The following IGSF21 variants were observed in gnomAD, a reference collection of about 807,000 sequenced individuals.
IGSF21 encodes the protein immunoglobulin superfamily member 21.
In IGSF21, 28 loss-of-function variants were observed where a neutral mutation model predicts 46.8. The ratio of observed to expected loss-of-function variants is 0.60; its 90% CI spans 0.44 to 0.82. IGSF21 has a LOEUF of 0.82. Ranked by LOEUF, IGSF21 falls within the 40% of genes least tolerant of loss-of-function variation. The pLI, the probability that IGSF21 is intolerant of heterozygous loss-of-function variation, is 0.00. For synonymous variants in IGSF21, 284 were observed against 273.6 expected (o/e 1.04, Z -0.38); for missense variants, 624 against 665.5 (o/e 0.94, Z 0.69).
intron 3 of IGSF21, among the ~76,000 whole-genome samples, chr1:18,323,231 G>A (rs925249839): frequency 5.3e-5 from 8 of 152,160 alleles, no homozygotes; most frequent in Non-Finnish European, 1.2e-4. Context: ...CAGGTCTGGG[G>A]TGTCCCTCTA....
chr1:18,110,199 G>T (rs987368340), intron 1 of IGSF21: 7 of 152,310 alleles, frequency 4.6e-5, no homozygotes, highest in African/African-American at 7.2e-5. Flanking sequence ...AAGGAAGAGC[G>T]CAGACGCGGA....
intron 2 of IGSF21, among the ~76,000 whole-genome samples, chr1:18,287,482 C>A (rs2085226312): frequency 6.6e-6 from 1 of 152,130 alleles, no homozygotes; most frequent in Non-Finnish European, 1.5e-5. Flanking sequence ...ATTCAAGGAC[C>A]TGTGTGTTTG....
chr1:18,273,985 A>T (rs2085076547), intron 2 of IGSF21, among the ~76,000 whole-genome samples: 1 of 152,178 alleles, frequency 6.6e-6, no homozygotes, highest in Admixed American at 6.5e-5. Context: ...GTTGGGGGAA[A>T]TCACTCGGCC....
Position 18,273,454 on chromosome 1 carries a change from CTT to C in IGSF21, c.184-18410_184-18409del, listed in dbSNP as rs1323583311. On this transcript the variant is annotated intron_variant, in intron 2 of 9. Coordinates refer to ENST00000251296, the MANE Select transcript of IGSF21 (RefSeq NM_032880.5). ...CCTTTCTTTCTTTCTCACTTTCTTT[CTT>C]TCTCTCTCTTTCTTTCTTTCTTTCT... Among the ~76,000 whole-genome samples, 23 of 84,176 alleles carry C rather than the reference CTT, an allele frequency of 2.7e-4. 1 individual carries two copies. Among genetic ancestry groups the C allele is most frequent in the South Asian group, 7.2e-4 (2 of 2,770 alleles). 55.2% of individuals were successfully genotyped at this position (84,176 alleles called of 152,430 possible).
rs1467363261 is a variant in IGSF21 at position 18,359,379 on chromosome 1, A to AAAGG, written c.425-2733_425-2732insGAAG. ...GAAAGAAAGAAAGAAAGAAAGAAAG[A>AAAGG]AAGAAAGGAAGGAAGGAAGGAAGGA... is the stretch of plus-strand genomic sequence containing the variant. On this transcript the variant is annotated intron_variant, in intron 4 of 9. Coordinates refer to ENST00000251296, the MANE Select transcript of IGSF21 (RefSeq NM_032880.5). 1.7e-4 allele frequency among the ~76,000 whole-genome samples: 14 copies of AAAGG among 82,366 alleles called. No individual in the cohort carries two copies. In the South Asian group the frequency reaches 3.7e-3, roughly 22 times the overall value. The allele number at this position is 82,366 out of a possible 152,430, so 54.0% of individuals were successfully genotyped here.
chr1:18,289,516 C>T (rs2085246718), intron 2 of IGSF21, among the ~76,000 whole-genome samples: 1 of 152,242 alleles, frequency 6.6e-6, no homozygotes, highest in Non-Finnish European at 1.5e-5. Flanking sequence ...CCTCTCCAAG[C>T]CTCAGTTTCT....
chr1:18,247,819 A>G (rs1484588039), intron 2 of IGSF21, among the ~76,000 whole-genome samples: 1 of 152,160 alleles, frequency 6.6e-6, no homozygotes, highest in Non-Finnish European at 1.5e-5. Context: ...AGATGAGGAG[A>G]CAGAGACACA....
At chr1:18,356,413 T>TG (rs975515553) in intron 4 of IGSF21, among the ~76,000 whole-genome samples, 2 of 151,276 alleles carry the variant, frequency 1.3e-5, no homozygotes, top group Admixed American at 6.6e-5. Flanking sequence ...AACAGAAGAG[T>TG]GGGAGGGAGA....
At chr1:18,230,517 T>A (rs2084614388) in intron 2 of IGSF21, among the ~76,000 whole-genome samples, 1 of 152,120 alleles carries the variant, frequency 6.6e-6, no homozygotes, top group Admixed American at 6.5e-5. Context: ...GCCAAATGCC[T>A]GGGCCCTTGT....
intron 2 of IGSF21, among the ~76,000 whole-genome samples, chr1:18,249,302 C>T (rs2084814071): frequency 6.6e-6 from 1 of 152,126 alleles, no homozygotes; most frequent in Admixed American, 6.5e-5. Context: ...AGGTTGAGGG[C>T]AGCTGCAGCC....
At chr1:18,179,392 T>C (rs1020314595) in intron 1 of IGSF21, 4 of 152,188 alleles carry the variant, frequency 2.6e-5, no homozygotes, top group African/African-American at 9.7e-5. Flanking sequence ...CCATTGTGAC[T>C]TTCATGGGTC....
rs751554607 is a variant in IGSF21, at chr1:18,108,090, C to G, written c.-39C>G. On this transcript the variant is annotated 5_prime_UTR_variant, in exon 1 of 10. Transcript: ENST00000251296. ...AGGGGACCCGCCGCCACCGCCTCCA[C>G]CCCCGCCGCCCCGCCACCGCCGCCA... 1 of 1,072,986 alleles carries G rather than the reference C, an allele frequency of 9.3e-7. No individual in the cohort carries two copies. The highest frequency in any genetic ancestry group is 1.3e-6 in the Non-Finnish European group (1 of 792,638). 66.5% of individuals were successfully genotyped at this position (1,072,986 alleles called of 1,614,324 possible).
chr1:18,144,845 C>T (rs926082529), intron 1 of IGSF21, among the ~76,000 whole-genome samples: 2 of 150,210 alleles, frequency 1.3e-5, no homozygotes, highest in African/African-American at 2.5e-5. Context: ...TGTTTAACTT[C>T]TCCGTGCCTC....
intron 4 of IGSF21, among the ~76,000 whole-genome samples, chr1:18,357,268 A>G (rs906209343): frequency 1.4e-5 from 2 of 145,078 alleles, no homozygotes; most frequent in African/African-American, 5.1e-5. Context: ...TGATAAAAAC[A>G]GGGAAGGAGA....
At chr1:18,246,821 C>A (rs892082985) in intron 2 of IGSF21, among the ~76,000 whole-genome samples, 1 of 152,158 alleles carries the variant, frequency 6.6e-6, no homozygotes, top group Non-Finnish European at 1.5e-5. Flanking sequence ...CTGCCCCAGG[C>A]TCTTGGCAGA....
rs781002165 is a variant in IGSF21, at chr1:18,291,922, C to T, written c.240C>T (p.Ser80=). The change falls in exon 3 of 10, where the codon TCC becomes TCT. Residue 80 remains serine (S), a synonymous_variant. Transcript: ENST00000251296. Reference sequence around the variant, plus strand: ...TCTTCACCTTCGACGCCATGTTCTCCACCAACTACTCACACATGGAGAACT... The same window carrying T: ...TCTTCACCTTCGACGCCATGTTCTCTACCAACTACTCACACATGGAGAACT... The part of the protein sequence containing the change: ...QKIFTFDAMF[S]TNYSHMENYR... 21 of 1,613,996 alleles carry T rather than the reference C, an allele frequency of 1.3e-5. No homozygotes were observed. The highest frequency in any genetic ancestry group is 2.2e-5 in the South Asian group (2 of 91,076).
chr1:18,329,272 T>C (rs955730134), intron 3 of IGSF21, among the ~76,000 whole-genome samples: 3 of 152,212 alleles, frequency 2.0e-5, no homozygotes, highest in Non-Finnish European at 4.4e-5. Flanking sequence ...TGCCTCCTAC[T>C]GTAAATCTTT....
rs58857201 is a variant in IGSF21, at chr1:18,336,239, G to T, written c.424+1229G>T. Reference sequence around the variant, plus strand: ...TGCATAGATGAATCAAAAAGAGCCTGCAACATGCTGGAAGGAAATAAAGCA... The same window carrying T: ...TGCATAGATGAATCAAAAAGAGCCTTCAACATGCTGGAAGGAAATAAAGCA... On this transcript the variant is annotated intron_variant, in intron 4 of 9. Coordinates refer to ENST00000251296, the MANE Select transcript of IGSF21 (RefSeq NM_032880.5). Among the ~76,000 whole-genome samples, 319 of 152,326 alleles carry T rather than the reference G, an allele frequency of 2.1e-3. 4 individuals carry two copies. In the South Asian group the frequency reaches 0.034, roughly 16 times the overall value.
At chr1:18,211,453 C>G (rs1426406255) in intron 1 of IGSF21, among the ~76,000 whole-genome samples, 1 of 152,208 alleles carries the variant, frequency 6.6e-6, no homozygotes, top group African/African-American at 2.4e-5. Context: ...AGCAAATTCC[C>G]TTTGCAAATT....
Sources: gnomAD v4.1 joint callset for allele counts (sites outside exome capture counted in the v4.1 genomes callset) on GRCh38, gnomAD v4.1.1 for gene constraint, MANE v1.5 for transcripts, NCBI Gene and HGNC (gene_info 2026-07-23, HGNC 2026-07-21) for gene names.